STK3: variants seen among roughly 807,000 people sequenced by gnomAD.
STK3 encodes serine/threonine kinase 3, also known as serine/threonine-protein kinase 3.
STK3 carries 41 observed loss-of-function variants against 58.0 expected under a neutral mutation model. That is an observed-to-expected ratio of 0.71 (90% CI 0.55 to 0.92). The LOEUF (loss-of-function observed/expected upper bound fraction) is 0.92, where lower values mean the gene tolerates loss of function less well. STK3 is among the 40% of genes least tolerant of loss of function. The pLI, the probability that STK3 is intolerant of heterozygous loss-of-function variation, is 0.00. For synonymous variants in STK3, 170 were observed against 191.0 expected, an observed-to-expected ratio of 0.89 and a Z score of 0.91; for missense variants, 479 against 602.7, an observed-to-expected ratio of 0.79 and a Z score of 2.15.
At chr8:98,631,907 C>T (rs948563398) in intron 6 of STK3, among the ~76,000 whole-genome samples, 6 of 152,238 alleles carry the variant, frequency 3.9e-5, no homozygotes, top group African/African-American at 1.4e-4. Context: ...TTGGGTGATC[C>T]ACCCGCCTCA....
intron 6 of STK3, among the ~76,000 whole-genome samples, chr8:98,644,937 A>G (rs1820287794): frequency 6.6e-6 from 1 of 152,202 alleles, no homozygotes; most frequent in Admixed American, 6.6e-5. Context: ...GTCTGTTTAC[A>G]TGTGTCTCTT....
chr8:98,518,233 T>C (rs1300192907), intron 10 of STK3, among the ~76,000 whole-genome samples: 1 of 152,064 alleles, frequency 6.6e-6, no homozygotes, highest in African/African-American at 2.4e-5. Flanking sequence ...CTTAAATTTG[T>C]AAGGGAAATG....
chr8:98,381,055 C>T (rs950449124), intron 1 of STK3, among the ~76,000 whole-genome samples: 2 of 148,952 alleles, frequency 1.3e-5, no homozygotes, highest in African/African-American at 5.0e-5. Context: ...ACTGCAACCT[C>T]CACCTCCCAG....
intron 2 of STK3, among the ~76,000 whole-genome samples, chr8:98,770,856 T>C (rs911403642): frequency 6.6e-6 from 1 of 152,070 alleles, no homozygotes; most frequent in Non-Finnish European, 1.5e-5. Context: ...CCATAATGAG[T>C]AACAAAGCAA....
At chr8:98,607,180 CT>C (rs1816845919) in intron 6 of STK3, among the ~76,000 whole-genome samples, 1 of 152,208 alleles carries the variant, frequency 6.6e-6, no homozygotes, top group Admixed American at 6.5e-5. Flanking sequence ...ATAAGAAGCA[CT>C]TTTTAGACAA....
Position 98,773,779 on chromosome 8 carries a change from T to TA in STK3, c.107+959_107+960insT, listed in dbSNP as rs530778893. 4.0e-5 allele frequency among the ~76,000 whole-genome samples: 6 copies of TA among 151,066 alleles called. No individual in the cohort carries two copies. In the East Asian group the frequency reaches 1.2e-3, roughly 29 times the overall value. ...CCATCATGTTCAGCTTATTTTTATT[T>TA]TTTATTTATTTATTTATTTATTTAT... On this transcript the variant is annotated intron_variant, in intron 2 of 10. Coordinates refer to ENST00000419617, the MANE Select transcript of STK3 (RefSeq NM_006281.4).
intron 3 of STK3, among the ~76,000 whole-genome samples, chr8:98,832,384 A>C (rs1381451826): frequency 1.3e-5 from 2 of 152,000 alleles, no homozygotes; most frequent in Non-Finnish European, 2.9e-5. Flanking sequence ...ATTTACATGC[A>C]TTAAAATTAA....
rs1205145762 is a variant in STK3 at position 98,688,488 on chromosome 8, T to C, written c.684+17979A>G. 2.0e-5 allele frequency among the ~76,000 whole-genome samples: 3 copies of C among 152,094 alleles called. No homozygotes were observed. In the East Asian group the frequency reaches 5.8e-4, roughly 29 times the overall value. The stretch of plus-strand genomic sequence containing the variant: ...AATATACATTCTTCTCATATGTACA[T>C]AGAACATACTCAAAGACTGACCACC... On this transcript the variant is annotated intron_variant, in intron 6 of 10. Coordinates refer to ENST00000419617, the MANE Select transcript of STK3 (RefSeq NM_006281.4).
At chr8:98,347,828 C>T in the STK3 span, among the ~76,000 whole-genome samples, 1,051 of 152,216 alleles carry the variant, frequency 6.9e-3, 12 homozygotes, top group African/African-American at 0.024. Context: ...TCAAGATATT[C>T]GTTCTTTCCA....
intron 10 of STK3, among the ~76,000 whole-genome samples, chr8:98,476,820 T>C (rs890222422): frequency 2.6e-5 from 4 of 152,190 alleles, no homozygotes; most frequent in African/African-American, 9.7e-5. Context: ...AAATCACTCT[T>C]GATGATTTCC....
chr8:98,582,850 T>C (rs1160642884), intron 7 of STK3, among the ~76,000 whole-genome samples: 4 of 152,178 alleles, frequency 2.6e-5, no homozygotes, highest in Admixed American at 2.6e-4. Flanking sequence ...ATTTTTTGCC[T>C]ATATGGTTAC....
chr8:98,375,795 G>A (rs1328191215), intron 2 of STK3, among the ~76,000 whole-genome samples: 1 of 152,032 alleles, frequency 6.6e-6, no homozygotes, highest in Non-Finnish European at 1.5e-5. Flanking sequence ...CAACACAGAT[G>A]TCCTTCTTTC....
intron 6 of STK3, among the ~76,000 whole-genome samples, chr8:98,620,476 A>C (rs1011478948): frequency 1.4e-5 from 2 of 147,414 alleles, no homozygotes; most frequent in Non-Finnish European, 3.0e-5. Context: ...TAAAAAAAAT[A>C]AATAAATAAA....
intron 3 of STK3, among the ~76,000 whole-genome samples, chr8:98,874,873 C>T (rs1366712431): frequency 9.2e-5 from 14 of 152,028 alleles, no homozygotes; most frequent in Admixed American, 9.2e-4. Context: ...ATCCCCTCAC[C>T]CTAGCCTCCC....
chr8:98,608,456 G>C (rs1354608951), intron 6 of STK3, among the ~76,000 whole-genome samples: 5 of 152,124 alleles, frequency 3.3e-5, no homozygotes, highest in Non-Finnish European at 7.4e-5. Flanking sequence ...ATGTTCACCA[G>C]CAACAGTACC....
At chr8:98,638,660 G>C (rs1351706033) in intron 6 of STK3, 2 of 152,246 alleles carry the variant, frequency 1.3e-5, no homozygotes, top group Admixed American at 1.3e-4. Flanking sequence ...AGAAACAGCA[G>C]CACCATTCCT....
At chr8:98,836,389 G>A (rs1469230824) in intron 3 of STK3, among the ~76,000 whole-genome samples, 3 of 152,186 alleles carry the variant, frequency 2.0e-5, no homozygotes, top group East Asian at 1.9e-4. Context: ...TCTTTTGTAA[G>A]GGACAAATTC....
At chr8:98,758,865 T>C (rs1229793995) in intron 3 of STK3, among the ~76,000 whole-genome samples, 1 of 152,258 alleles carries the variant, frequency 6.6e-6, no homozygotes, top group African/African-American at 2.4e-5. Flanking sequence ...GCTTCTTTGT[T>C]TAAGCCTCAT....
At chr8:98,585,947 G>T (rs546946254) in intron 7 of STK3, among the ~76,000 whole-genome samples, 7 of 152,096 alleles carry the variant, frequency 4.6e-5, no homozygotes, top group Non-Finnish European at 5.9e-5. Flanking sequence ...CATTGATTTT[G>T]TATCCTGAAA....
Sources: gnomAD v4.1 joint callset for allele counts (sites outside exome capture counted in the v4.1 genomes callset) on GRCh38, gnomAD v4.1.1 for gene constraint, MANE v1.5 for transcripts, NCBI Gene and HGNC (gene_info 2026-07-23, HGNC 2026-07-21) for gene names.